Variants in FBLN1 observed in about 807,000 individuals in gnomAD.
FBLN1 encodes the protein fibulin-1.
In FBLN1, 34 loss-of-function variants were observed where a neutral mutation model predicts 89.7. That is an observed-to-expected ratio of 0.38 (90% CI 0.29 to 0.50). The LOEUF (loss-of-function observed/expected upper bound fraction) is 0.50, where lower values mean the gene tolerates loss of function less well. Ranked by LOEUF, FBLN1 falls within the 20% of genes least tolerant of loss-of-function variation. The pLI is 0.92. For missense variants in FBLN1, 777 were observed against 988.1 expected (o/e 0.79, Z 2.86); for synonymous variants, 393 against 391.3 (o/e 1.00, Z -0.05).
intron 9 of FBLN1, 115 bp from the exon 10 acceptor site, chr22:45,542,040 T>C: frequency 6.7e-7 from 1 of 1,502,952 alleles, no homozygotes; most frequent in Non-Finnish European, 9.2e-7. Context: ...CGTGTTGAAA[T>C]GGAATGCCTG....
At position 45,556,829 on chromosome 22, in the gene FBLN1, C is replaced by A. The variant is rs979832346; in HGVS notation, c.1697+6214C>A. Among the ~76,000 whole-genome samples, 4 of 152,106 alleles carry A rather than the reference C, an allele frequency of 2.6e-5. No individual in the cohort carries two copies. The highest frequency in any genetic ancestry group is 7.2e-5 in the African/African-American group (3 of 41,424). Reference sequence around the variant, plus strand: ...TCCCTCTGGAACTAAGACCTCTAGGCCAGCAGAACGTAATGTTGCAGGAAC... The same window carrying A: ...TCCCTCTGGAACTAAGACCTCTAGGACAGCAGAACGTAATGTTGCAGGAAC... On this transcript the variant is annotated intron_variant, in intron 14 of 16. Transcript: ENST00000327858. The surrounding 1 kb of genome is among the most constrained non-coding windows in gnomAD (Gnocchi z 4.6).
At chr22:45,540,268 G>A (rs1257847560) in intron 8 of FBLN1, among the ~76,000 whole-genome samples, 2 of 152,216 alleles carry the variant, frequency 1.3e-5, no homozygotes, top group African/African-American at 4.8e-5. Context: ...TTTATAAAGT[G>A]CAGGCAGTAA....
Position 45,588,387 on chromosome 22 carries a change from T to C in FBLN1, c.1972+11279T>C, listed in dbSNP as rs1024300973. Among the ~76,000 whole-genome samples, 14 of 152,202 alleles carry C rather than the reference T, an allele frequency of 9.2e-5. No homozygotes were observed. The highest frequency in any genetic ancestry group is 3.1e-4 in the African/African-American group (13 of 41,442). On this transcript the variant is annotated intron_variant, in intron 16 of 16. Coordinates refer to ENST00000327858, the MANE Select transcript of FBLN1 (RefSeq NM_006486.3). This position sits in a 1 kb window ranked among gnomAD's most constrained non-coding sequence, Gnocchi z 5.1. ...TCGTGAAAAGGGAAACACCAGGAGTTGTGGCATTGGGAGTTTCTTCGCTTG... is the reference window on the plus strand; with the variant it reads ...TCGTGAAAAGGGAAACACCAGGAGTCGTGGCATTGGGAGTTTCTTCGCTTG...
intron 14 of FBLN1, among the ~76,000 whole-genome samples, chr22:45,555,035 G>GAAGTT (rs1378886188): frequency 6.6e-6 from 1 of 151,430 alleles, no homozygotes; most frequent in South Asian, 2.1e-4. Context: ...TCCACCGCAG[G>GAAGTT]AGGTTAGGAC....
rs1459104805 is a variant in FBLN1 at position 45,543,295 on chromosome 22, T to G, written c.1196-106T>G. On this transcript the variant is annotated intron_variant, in intron 10 of 16. Coordinates refer to ENST00000327858, the MANE Select transcript of FBLN1 (RefSeq NM_006486.3). ...ATGAAGGAAAAAAAAGAAATGAGGC[T>G]GGAGGAGGTGGAGGACAAAGGACAT... 5 of 1,361,274 alleles carry G rather than the reference T, an allele frequency of 3.7e-6. No homozygotes were observed. The Admixed American group carries it at 8.9e-5, about 24-fold the overall frequency. The allele number at this position is 1,361,274 out of a possible 1,614,324, so 84.3% of individuals were successfully genotyped here. A position where few individuals can be genotyped will look rare whatever the true frequency, so the allele number is the denominator to read the frequency against.
At chr22:45,518,464 G>C (rs1450650740) in intron 1 of FBLN1, 1 of 611,614 alleles carries the variant, frequency 1.6e-6, no homozygotes, top group African/African-American at 1.8e-5. Flanking sequence ...GATGGGGGAG[G>C]ATTCAGGTCT....
At chr22:45,595,705 G>C (rs1027270879) in intron 16 of FBLN1, among the ~76,000 whole-genome samples, 1 of 152,300 alleles carries the variant, frequency 6.6e-6, no homozygotes, top group African/African-American at 2.4e-5. Context: ...AACACCTGCT[G>C]TATGTTTCTA....
At chr22:45,548,523 C>T (rs898825250) in intron 12 of FBLN1, 90 bp from the exon 13 acceptor site, 3 of 1,569,598 alleles carry the variant, frequency 1.9e-6, no homozygotes, top group African/African-American at 2.7e-5. Context: ...CCTCCCGGGC[C>T]CCAGTGCAGC....
Position 45,562,957 on chromosome 22 carries a change from G to A in FBLN1, c.1698-11554G>A, listed in dbSNP as rs771945525. ...GCCATGAGAATCGGGAGTGCTCCAA[G>A]CTGCCTCTGAGAATAACCTACTACC... On this transcript the variant is annotated intron_variant, in intron 14 of 16. Coordinates refer to ENST00000327858, the MANE Select transcript of FBLN1 (RefSeq NM_006486.3). This position sits in a 1 kb window ranked among gnomAD's most constrained non-coding sequence, Gnocchi z 7.8. The A allele has an allele frequency of 1.9e-6, 3 of 1,614,058 alleles. No homozygotes were observed. Among genetic ancestry groups the A allele is most frequent in the Non-Finnish European group, 2.5e-6 (3 of 1,180,034 alleles).
intron 14 of FBLN1, among the ~76,000 whole-genome samples, chr22:45,564,508 T>C (rs546020966): frequency 6.6e-6 from 1 of 152,356 alleles, no homozygotes; most frequent in East Asian, 1.9e-4. Context: ...CCTTGGTACG[T>C]GCTTTGCACC....
At chr22:45,598,333 C>T (rs1029130234) in intron 16 of FBLN1, among the ~76,000 whole-genome samples, 6 of 152,214 alleles carry the variant, frequency 3.9e-5, no homozygotes, top group Admixed American at 1.3e-4. Flanking sequence ...GCCGATGGTA[C>T]GACCAGAGAG....
rs1201006362 is a variant in FBLN1, at chr22:45,574,768, C to A, written c.1840+115C>A. On this transcript the variant is annotated intron_variant, in intron 15 of 16. Coordinates refer to ENST00000327858, the MANE Select transcript of FBLN1 (RefSeq NM_006486.3). This position sits in a 1 kb window ranked among gnomAD's most constrained non-coding sequence, Gnocchi z 4.1. ...AAGATGTGGCCCAGGCTTTGAAATG[C>A]AGAACTTTCTTTTTTTTTTTTTTTT... is the stretch of plus-strand genomic sequence containing the variant. 11 of 749,732 alleles carry A rather than the reference C, an allele frequency of 1.5e-5. No homozygotes were observed. The highest frequency in any genetic ancestry group is 2.3e-5 in the Non-Finnish European group (11 of 473,510). The allele number at this position is 749,732 out of a possible 1,614,324, so 46.4% of individuals were successfully genotyped here. A position where few individuals can be genotyped will look rare whatever the true frequency, so the allele number is the denominator to read the frequency against.
At chr22:45,506,624 GGTGT>G (rs1445838122) in intron 1 of FBLN1, among the ~76,000 whole-genome samples, 1 of 152,194 alleles carries the variant, frequency 6.6e-6, no homozygotes, top group African/African-American at 2.4e-5. Context: ...TGGGGGAAAG[GGTGT>G]TCCTGGCAGG....
chr22:45,591,557 G>A (rs73447063), intron 16 of FBLN1, among the ~76,000 whole-genome samples: 2,841 of 152,208 alleles, frequency 0.019, 77 homozygotes, highest in African/African-American at 0.064. Flanking sequence ...GTTTTGCTGA[G>A]ACATGTTGAC....
At chr22:45,525,115 G>C (rs1213404131) in intron 2 of FBLN1, among the ~76,000 whole-genome samples, 4 of 131,644 alleles carry the variant, frequency 3.0e-5, no homozygotes, top group Non-Finnish European at 6.5e-5. Context: ...AAGAGAGAGA[G>C]AGAGAGAAAG....
At chr22:45,507,003 T>C (rs2088030710) in intron 1 of FBLN1, among the ~76,000 whole-genome samples, 1 of 152,258 alleles carries the variant, frequency 6.6e-6, no homozygotes, top group Non-Finnish European at 1.5e-5. Flanking sequence ...TCCAGTTTCC[T>C]TGTGATGATC....
Position 45,533,910 on chromosome 22 carries a change from G to C in FBLN1, c.784+12G>C, listed in dbSNP as rs370004105. On this transcript the variant is annotated intron_variant, in intron 7 of 16. Transcript: ENST00000327858. Reference sequence around the variant, plus strand: ...CAATAGCTGCAAAGGTACAGCATGCGCTCCGAGTCTGCAAACCTGGTCTTC... The same window carrying C: ...CAATAGCTGCAAAGGTACAGCATGCCCTCCGAGTCTGCAAACCTGGTCTTC... The C allele has an allele frequency of 2.4e-5, 38 of 1,613,534 alleles. No individual in the cohort carries two copies. Among genetic ancestry groups the C allele is most frequent in the Non-Finnish European group, 3.1e-5 (37 of 1,179,932 alleles).
rs1198140715 is a variant in FBLN1, at chr22:45,597,055, G to T, written c.1973-3252G>T. Among the ~76,000 whole-genome samples the T allele has an allele frequency of 6.6e-6, 1 of 151,688 alleles. No individual in the cohort carries two copies. The highest frequency in any genetic ancestry group is 2.4e-5 in the African/African-American group (1 of 41,260). ...CTTGCTCTGTCACCCAGGCTAGAAT[G>T]CAGTGGCACAATCTTGGCTCATTGC... On this transcript the variant is annotated intron_variant, in intron 16 of 16. Transcript: ENST00000327858. This position sits in a 1 kb window ranked among gnomAD's most constrained non-coding sequence, Gnocchi z 4.2.
intron 7 of FBLN1, among the ~76,000 whole-genome samples, chr22:45,534,477 C>T (rs544419414): frequency 1.2e-4 from 18 of 152,212 alleles, no homozygotes; most frequent in Non-Finnish European, 2.5e-4. Flanking sequence ...TGTTATTTGG[C>T]AGATGGGGAG....
Sources: allele counts gnomAD v4.1 joint callset (sites outside exome capture counted in the v4.1 genomes callset), GRCh38; gene constraint gnomAD v4.1.1; non-coding constraint Gnocchi (gnomAD v3.1); transcripts MANE v1.5; gene names NCBI Gene and HGNC (gene_info 2026-07-23, HGNC 2026-07-21).